The following RBFOX1 variants were observed in gnomAD, a reference collection of about 807,000 sequenced individuals.
RBFOX1 encodes RNA binding fox-1 homolog 1, also known as RNA binding protein fox-1 homolog 1.
RBFOX1 carries 8 observed loss-of-function variants against 57.7 expected under a neutral mutation model. The observed-to-expected ratio is 0.14, with a 90% CI of 0.08 to 0.25. The LOEUF is 0.25. RBFOX1 is among the 10% of genes least tolerant of loss of function. The pLI, the probability that RBFOX1 is intolerant of heterozygous loss-of-function variation, is 1.00. For synonymous variants in RBFOX1, 326 were observed against 222.4 expected, an observed-to-expected ratio of 1.47 and a Z score of -4.15; for missense variants, 611 against 548.5, an observed-to-expected ratio of 1.11 and a Z score of -1.14.
At chr16:5,481,528 T>C (rs1223386641) in intron 2 of RBFOX1, among the ~76,000 whole-genome samples, 1 of 152,184 alleles carries the variant, frequency 6.6e-6, no homozygotes, top group African/African-American at 2.4e-5. Context: ...AGAAATGAAA[T>C]GATAAAAGTT....
At chr16:6,276,490 C>A (rs2075814686) in intron 1 of RBFOX1, among the ~76,000 whole-genome samples, 1 of 152,124 alleles carries the variant, frequency 6.6e-6, no homozygotes, top group African/African-American at 2.4e-5. Context: ...AGGAGTGTGC[C>A]ACCATGCCCA....
intron 3 of RBFOX1, among the ~76,000 whole-genome samples, chr16:7,046,635 G>C (rs866550503): frequency 2.2e-5 from 3 of 139,524 alleles, no homozygotes; most frequent in South Asian, 2.3e-4. Context: ...TTGGAGTTGG[G>C]GAGTACAGAG....
intron 2 of RBFOX1, among the ~76,000 whole-genome samples, chr16:6,492,005 A>G (rs997007891): frequency 5.3e-5 from 8 of 152,178 alleles, no homozygotes; most frequent in Admixed American, 1.3e-4. Flanking sequence ...GGATGGGTAG[A>G]TGAATGGATA....
At chr16:7,001,989 G>C (rs567223376) in intron 3 of RBFOX1, among the ~76,000 whole-genome samples, 17 of 152,196 alleles carry the variant, frequency 1.1e-4, no homozygotes, top group Non-Finnish European at 2.5e-4. Context: ...GTGAACTCCT[G>C]GTGTTTAGAG....
chr16:6,634,033 G>C (rs1049959009), intron 2 of RBFOX1, among the ~76,000 whole-genome samples: 1 of 151,958 alleles, frequency 6.6e-6, no homozygotes, highest in African/African-American at 2.4e-5. Flanking sequence ...TCCAGGCTTT[G>C]TGTAAACCGA....
At chr16:5,519,746 A>G (rs1331091710) in intron 2 of RBFOX1, among the ~76,000 whole-genome samples, 1 of 151,714 alleles carries the variant, frequency 6.6e-6, no homozygotes, top group Non-Finnish European at 1.5e-5. Flanking sequence ...GCTGTTAAAT[A>G]CTCTAGACCT....
At chr16:5,499,707 G>A (rs2043122053) in intron 2 of RBFOX1, among the ~76,000 whole-genome samples, 1 of 151,914 alleles carries the variant, frequency 6.6e-6, no homozygotes, top group African/African-American at 2.4e-5. Flanking sequence ...CGAGTAGCTG[G>A]GATTACAGGT....
At chr16:7,704,984 G>C (rs1462413557) in intron 14 of RBFOX1, among the ~76,000 whole-genome samples, 1 of 149,550 alleles carries the variant, frequency 6.7e-6, no homozygotes, top group Non-Finnish European at 1.5e-5. Context: ...GCAGAGGTTA[G>C]AGTGAGCCGA....
chr16:5,794,664 G>T (rs1227542068), intron 3 of RBFOX1, among the ~76,000 whole-genome samples: 6 of 152,172 alleles, frequency 3.9e-5, no homozygotes, highest in Admixed American at 3.9e-4. Context: ...GAGTCGGGCG[G>T]CCCAGCAGGA....
intron 4 of RBFOX1, among the ~76,000 whole-genome samples, chr16:5,966,226 A>G (rs960431339): frequency 2.0e-5 from 3 of 152,164 alleles, no homozygotes; most frequent in African/African-American, 7.2e-5. Context: ...GTGACTGGCT[A>G]TATTCGGCCA....
chr16:6,292,056 T>G (rs2077524377), intron 1 of RBFOX1, among the ~76,000 whole-genome samples: 1 of 152,202 alleles, frequency 6.6e-6, no homozygotes, highest in African/African-American at 2.4e-5. Flanking sequence ...TGAATACTGC[T>G]GTGCCTTTGC....
chr16:7,044,894 G>C (rs887752025), intron 3 of RBFOX1, among the ~76,000 whole-genome samples: 2 of 152,112 alleles, frequency 1.3e-5, no homozygotes, highest in Non-Finnish European at 2.9e-5. Context: ...AATGGTTATG[G>C]AGAAAATTTT....
At chr16:7,327,044 T>C (rs1265725575) in intron 4 of RBFOX1, among the ~76,000 whole-genome samples, 1 of 152,170 alleles carries the variant, frequency 6.6e-6, no homozygotes, top group African/African-American at 2.4e-5. Flanking sequence ...AAAAGAGTCA[T>C]GATATGGTGT....
chr16:6,924,394 T>C (rs1377384668), intron 3 of RBFOX1, among the ~76,000 whole-genome samples: 1 of 151,716 alleles, frequency 6.6e-6, no homozygotes, highest in Non-Finnish European at 1.5e-5. Flanking sequence ...CCAGCCTCCT[T>C]TAAACAACCA....
intron 3 of RBFOX1, among the ~76,000 whole-genome samples, chr16:6,767,947 T>TAATAATAATAAGAAGAAGAAGAAG (rs1410744665): frequency 5.8e-4 from 59 of 101,034 alleles, no homozygotes; most frequent in African/African-American, 2.3e-3. Context: ...ATAATAATAA[T>TAATAATAATAAGAAGAAGAAGAAG]AAGAAGAAGA....
chr16:7,535,422 C>T (rs74010589), intron 5 of RBFOX1, among the ~76,000 whole-genome samples: 5,096 of 152,220 alleles, frequency 0.033, 247 homozygotes, highest in African/African-American at 0.12. Flanking sequence ...CTGGACATTG[C>T]GACTCAGAGA....
At chr16:6,627,688 G>A (rs1441408199) in intron 2 of RBFOX1, among the ~76,000 whole-genome samples, 1 of 152,158 alleles carries the variant, frequency 6.6e-6, no homozygotes, top group Non-Finnish European at 1.5e-5. Flanking sequence ...GCAGCACACT[G>A]TGAAAACAAA....
intron 3 of RBFOX1, among the ~76,000 whole-genome samples, chr16:6,810,167 C>G (rs1290477197): frequency 1.3e-5 from 2 of 152,120 alleles, no homozygotes; most frequent in Non-Finnish European, 1.5e-5. Context: ...TTACGGATCA[C>G]TCTCATTGTC....
chr16:5,798,035 C>G (rs1272499749), intron 3 of RBFOX1, among the ~76,000 whole-genome samples: 2 of 152,164 alleles, frequency 1.3e-5, no homozygotes, highest in Non-Finnish European at 2.9e-5. Flanking sequence ...AAGCAGACAG[C>G]CTGAGTTTGA....
Sources: allele counts gnomAD v4.1 joint callset (sites outside exome capture counted in the v4.1 genomes callset), GRCh38; gene constraint gnomAD v4.1.1; transcripts MANE v1.5; gene names NCBI Gene and HGNC (gene_info 2026-07-23, HGNC 2026-07-21).